The following MYEF2 variants were observed in gnomAD, a reference collection of about 807,000 sequenced individuals.
The protein encoded by MYEF2 is myelin expression factor 2.
A neutral mutation model predicts 75.2 loss-of-function variants in MYEF2; 37 were observed. The observed-to-expected ratio is 0.49, with a 90% CI of 0.38 to 0.65. The LOEUF (loss-of-function observed/expected upper bound fraction) is 0.65, where lower values mean the gene tolerates loss of function less well. Ranked by LOEUF, MYEF2 falls within the 30% of genes least tolerant of loss-of-function variation. The pLI is 0.00. For missense variants in MYEF2, 634 were observed against 771.4 expected, an observed-to-expected ratio of 0.82 and a Z score of 2.11; for synonymous variants, 195 against 241.6, an observed-to-expected ratio of 0.81 and a Z score of 1.79.
chr15:48,163,062 C>T (rs1023278785), intron 5 of MYEF2, among the ~76,000 whole-genome samples: 3 of 152,186 alleles, frequency 2.0e-5, no homozygotes. Flanking sequence ...GGTGAAAAGC[C>T]GGGCCTCTTG....
At position 48,173,140 on chromosome 15, in the gene MYEF2, C is replaced by A. The variant is rs548188643; in HGVS notation, c.162-4301G>T. ...AAATTCAACAGCACATTAAAAGGATCATACACCATAATCAAATGGTATCTA... is the reference window on the plus strand; with the variant it reads ...AAATTCAACAGCACATTAAAAGGATAATACACCATAATCAAATGGTATCTA... On this transcript the variant is annotated intron_variant, in intron 1 of 16. Coordinates refer to ENST00000324324, the MANE Select transcript of MYEF2 (RefSeq NM_016132.5). Among the ~76,000 whole-genome samples the A allele has an allele frequency of 3.3e-5, 5 of 152,226 alleles. No individual in the cohort carries two copies. In the East Asian group the frequency reaches 9.7e-4, roughly 29 times the overall value.
rs1369110897 is a variant in MYEF2, at chr15:48,143,001, G to C, written c.1710C>G (p.Asp570Glu). Residue 570 changes from aspartate to glutamate, a missense_variant, in exon 17 of 17, where the codon GAC becomes GAG. Physicochemically the swap from Asp to Glu is conservative, Grantham distance 45. Coordinates refer to ENST00000324324, the MANE Select transcript of MYEF2 (RefSeq NM_016132.5). ...AGGCTTTTTCAGCTGATTCTGGGGA[G>C]TCAAATCTGACTGTTCCACAGCCTT... ...KSKGCGTVRF[D>E]SPESAEKACR... is the part of the protein sequence containing the mutation. The C allele has an allele frequency of 6.2e-7, 1 of 1,602,270 alleles. No homozygotes were observed. Among genetic ancestry groups the C allele is most frequent in the Non-Finnish European group, 8.5e-7 (1 of 1,175,012 alleles).
At chr15:48,157,688 T>G in intron 9 of MYEF2, 3 of 949,332 alleles carry the variant, frequency 3.2e-6, no homozygotes, top group Non-Finnish European at 3.9e-6. Flanking sequence ...AATGTTATAA[T>G]GAGGTTACCC....
At chr15:48,177,394 T>C (rs535077902) in intron 1 of MYEF2, among the ~76,000 whole-genome samples, 59 of 147,720 alleles carry the variant, frequency 4.0e-4, no homozygotes, top group Middle Eastern at 3.4e-3. Flanking sequence ...TACACTGAGT[T>C]AAAAAAAAAA....
Position 48,136,507 on chromosome 15 carries a change from CATA to C in MYEF2, c.*6398_*6400del. The stretch of plus-strand genomic sequence containing the variant: ...GAAGTGTCCAGCTTTTATCAATAAA[CATA>C]ATAATGCTGTAATCAAGTCTGGACA... On this transcript the variant is annotated 3_prime_UTR_variant, in exon 17 of 17. Coordinates refer to ENST00000324324, the MANE Select transcript of MYEF2 (RefSeq NM_016132.5). 2.1e-6 allele frequency: 1 copy of C among 481,810 alleles called. No individual in the cohort carries two copies. The highest frequency in any genetic ancestry group is 2.0e-5 in the African/African-American group (1 of 49,262). 29.8% of individuals were successfully genotyped at this position (481,810 alleles called of 1,614,324 possible). A position where few individuals can be genotyped will look rare whatever the true frequency, so the allele number is the denominator to read the frequency against.
In MYEF2 at chr15:48,140,003, G is replaced by C. The variant is rs772536925; in HGVS notation, c.*2905C>G. On this transcript the variant is annotated 3_prime_UTR_variant, in exon 17 of 17. Coordinates refer to ENST00000324324, the MANE Select transcript of MYEF2 (RefSeq NM_016132.5). ...AATAATTACTATCTGGCCCCTCACA[G>C]ACACAAAAATTTGTTGACCCTTGAC... The C allele has an allele frequency of 6.6e-6, 1 of 151,786 alleles. No homozygotes were observed. The highest frequency in any genetic ancestry group is 1.5e-5 in the Non-Finnish European group (1 of 67,926). The allele number at this position is 151,786 out of a possible 1,614,324, so 9.4% of individuals were successfully genotyped here. A position where few individuals can be genotyped will look rare whatever the true frequency, so the allele number is the denominator to read the frequency against.
rs1365685388 is a variant in MYEF2, at chr15:48,178,170, G to A, written c.68C>T (p.Ala23Val). 3.2e-6 allele frequency: 5 copies of A among 1,549,668 alleles called. No individual in the cohort carries two copies. In the South Asian group the frequency reaches 4.7e-5, roughly 15 times the overall value. The part of the protein sequence containing the change: ...TGGDSPHLQP[A>V]EPPGEPRREP... ...TCGCCGCGGCTCGCCCGGCGGCTCT[G>A]CGGGCTGCAGGTGCGGGCTGTCGCC... is the stretch of plus-strand genomic sequence containing the variant. The change falls in exon 1 of 17, where the codon GCA (alanine) becomes GTA (valine). Residue 23 changes from alanine to valine, a missense_variant. Coordinates refer to ENST00000324324, the MANE Select transcript of MYEF2 (RefSeq NM_016132.5).
chr15:48,138,789 C>T lies in MYEF2; in HGVS notation c.*4119G>A. 1.8e-6 allele frequency: 1 copy of T among 570,868 alleles called. No homozygotes were observed. The allele number at this position is 570,868 out of a possible 1,614,324, so 35.4% of individuals were successfully genotyped here. A position where few individuals can be genotyped will look rare whatever the true frequency, so the allele number is the denominator to read the frequency against. On this transcript the variant is annotated 3_prime_UTR_variant, in exon 17 of 17. Coordinates refer to ENST00000324324, the MANE Select transcript of MYEF2 (RefSeq NM_016132.5). The stretch of plus-strand genomic sequence containing the variant: ...GAGTATCACATCTTACATTGTCTGC[C>T]CTAAAGTTTCAATTAGTTTCTTTTC...
At position 48,178,068 on chromosome 15, in the gene MYEF2, A is replaced by G. The variant is rs1440457999; in HGVS notation, c.161+9T>C. ...ACCTCGCCCCGGTTCCCGGAGGAAA[A>G]GACAATACATTTTAACGCCATTGGA... is the stretch of plus-strand genomic sequence containing the variant. On this transcript the variant is annotated intron_variant, in intron 1 of 16. Transcript: ENST00000324324. 4 of 1,595,310 alleles carry G rather than the reference A, an allele frequency of 2.5e-6. No individual in the cohort carries two copies. Among genetic ancestry groups the G allele is most frequent in the African/African-American group, 2.7e-5 (2 of 73,270 alleles).
At chr15:48,175,574 C>T (rs564314145) in intron 1 of MYEF2, among the ~76,000 whole-genome samples, 9 of 152,196 alleles carry the variant, frequency 5.9e-5, no homozygotes, top group Middle Eastern at 3.4e-3. Context: ...CTGTACACTT[C>T]AAAATATACA....
chr15:48,170,186 C>T (rs2040274875), intron 1 of MYEF2, among the ~76,000 whole-genome samples: 1 of 151,866 alleles, frequency 6.6e-6, no homozygotes, highest in Admixed American at 6.6e-5. Context: ...AGTACAGTGG[C>T]AAGATCTCGG....
chr15:48,136,738 T>C lies in MYEF2; in HGVS notation c.*6170A>G. ...TGGATTGTATGTTTTGGTGCTGTGTTTTGACATTAAAATTAACCAATATAT... is the reference window on the plus strand; with the variant it reads ...TGGATTGTATGTTTTGGTGCTGTGTCTTGACATTAAAATTAACCAATATAT... On this transcript the variant is annotated 3_prime_UTR_variant, in exon 17 of 17. Transcript: ENST00000324324. 6.2e-7 allele frequency: 1 copy of C among 1,613,590 alleles called. No homozygotes were observed. The highest frequency in any genetic ancestry group is 8.5e-7 in the Non-Finnish European group (1 of 1,179,780).
At position 48,151,594 on chromosome 15, in the gene MYEF2, T is replaced by C; in HGVS notation, c.1208-23A>G. On this transcript the variant is annotated intron_variant, in intron 12 of 16. Coordinates refer to ENST00000324324, the MANE Select transcript of MYEF2 (RefSeq NM_016132.5). ...GCTCTGAAAAAATTGTGCAACAAAT[T>C]AACCTTTTCAAATATATCAATACAT... 1.9e-6 allele frequency: 3 copies of C among 1,579,734 alleles called. No homozygotes were observed. The African/African-American group carries it at 4.1e-5, about 22-fold the overall frequency.
chr15:48,136,979 T>G lies in MYEF2; in HGVS notation c.*5929A>C, dbSNP rs752135965. 14 of 1,597,976 alleles carry G rather than the reference T, an allele frequency of 8.8e-6. No homozygotes were observed. The highest frequency in any genetic ancestry group is 1.2e-5 in the Non-Finnish European group (14 of 1,169,950). Reference sequence around the variant, plus strand: ...GTTTCTGAAGGTAATCACTAAATCTTGCCCATTATTAAGTCTATTCGCAAA... The same window carrying G: ...GTTTCTGAAGGTAATCACTAAATCTGGCCCATTATTAAGTCTATTCGCAAA... On this transcript the variant is annotated 3_prime_UTR_variant, in exon 17 of 17. Coordinates refer to ENST00000324324, the MANE Select transcript of MYEF2 (RefSeq NM_016132.5).
chr15:48,151,294 T>G, intron 13 of MYEF2, 123 bp from the exon 14 acceptor site: 1 of 1,042,024 alleles, frequency 9.6e-7, no homozygotes, highest in Non-Finnish European at 1.4e-6. Flanking sequence ...GAAAATAGAG[T>G]TCAAATATGT....
At chr15:48,150,397 G>T (rs2039448042) in intron 14 of MYEF2, among the ~76,000 whole-genome samples, 1 of 151,972 alleles carries the variant, frequency 6.6e-6, no homozygotes, top group African/African-American at 2.4e-5. Context: ...GTTTAAATAG[G>T]TTGTATTTTC....
intron 1 of MYEF2, among the ~76,000 whole-genome samples, chr15:48,169,625 T>C (rs944163510): frequency 6.6e-6 from 1 of 150,808 alleles, no homozygotes; most frequent in African/African-American, 2.5e-5. Flanking sequence ...TGAGACGGAG[T>C]TTTGCTCTGT....
intron 6 of MYEF2, 33 bp downstream of exon 6, chr15:48,159,580 A>T: frequency 1.3e-6 from 2 of 1,584,590 alleles, no homozygotes; most frequent in Non-Finnish European, 1.7e-6. Context: ...TATCTATCTG[A>T]ATGACAAATT....
At chr15:48,143,435 T>A (rs976615884) in intron 16 of MYEF2, among the ~76,000 whole-genome samples, 2 of 152,068 alleles carry the variant, frequency 1.3e-5, no homozygotes, top group South Asian at 4.1e-4. Context: ...AAAATTATTT[T>A]TAGAATAAAC....
Sources: gnomAD v4.1 joint callset for allele counts (sites outside exome capture counted in the v4.1 genomes callset) on GRCh38, gnomAD v4.1.1 for gene constraint, MANE v1.5 for transcripts, NCBI Gene and HGNC (gene_info 2026-07-23, HGNC 2026-07-21) for gene names.